WNT3: variants seen among roughly 807,000 people sequenced by gnomAD.
WNT3 encodes the protein Wnt family member 3.
A neutral mutation model predicts 34.2 loss-of-function variants in WNT3; 7 were observed. That is an observed-to-expected ratio of 0.20 (90% CI 0.12 to 0.38). The LOEUF (loss-of-function observed/expected upper bound fraction) is 0.38, where lower values mean the gene tolerates loss of function less well. Ranked by LOEUF, WNT3 falls within the 10% of genes least tolerant of loss-of-function variation. The probability of loss-of-function intolerance (pLI) is 1.00; values close to 1 mark genes in which losing one functional copy is unlikely to be tolerated. For missense variants in WNT3, 267 were observed against 499.8 expected (o/e 0.53, Z 4.44); for synonymous variants, 212 against 211.5 (o/e 1.00, Z -0.02).
chr17:46,781,223 C>A (rs986829331), intron 1 of WNT3, among the ~76,000 whole-genome samples: 31 of 72,656 alleles, frequency 4.3e-4, no homozygotes, highest in Non-Finnish European at 6.1e-4. Flanking sequence ...AAGACTCTGT[C>A]CCCCCAACCA....
intron 1 of WNT3, among the ~76,000 whole-genome samples, chr17:46,818,046 G>A (rs2084375740): frequency 6.6e-6 from 1 of 152,206 alleles, no homozygotes. Context: ...GCAAAGGGGG[G>A]TTATTATGGG....
At chr17:46,795,256 C>T (rs368383399) in intron 1 of WNT3, among the ~76,000 whole-genome samples, 8 of 152,176 alleles carry the variant, frequency 5.3e-5, no homozygotes, top group Admixed American at 3.3e-4. Flanking sequence ...CCCACACCAG[C>T]GCATTCAGCC....
chr17:46,816,533 G>A (rs989441251), intron 1 of WNT3, among the ~76,000 whole-genome samples: 5 of 151,090 alleles, frequency 3.3e-5, no homozygotes, highest in African/African-American at 4.9e-5. Context: ...CCTTGGCTTA[G>A]ACAAAGCAGC....
intron 1 of WNT3, among the ~76,000 whole-genome samples, chr17:46,810,003 TC>T (rs370710743): frequency 2.7e-4 from 38 of 139,540 alleles, no homozygotes; most frequent in African/African-American, 9.6e-4. Context: ...TTTCTTTCTT[TC>T]TTTTTTTTTT....
At chr17:46,818,428 C>T (rs1287638680) in intron 1 of WNT3, 90 bp downstream of exon 1, 2 of 1,320,890 alleles carry the variant, frequency 1.5e-6, no homozygotes, top group Non-Finnish European at 2.1e-6. Flanking sequence ...GAGCCCCAGC[C>T]CTGCAGCGGC....
intron 1 of WNT3, among the ~76,000 whole-genome samples, chr17:46,801,207 T>G (rs1289098751): frequency 1.3e-5 from 2 of 152,192 alleles, no homozygotes; most frequent in South Asian, 2.1e-4. Flanking sequence ...CAGGCCCATG[T>G]GCTTACCCAT....
In WNT3 at chr17:46,773,761, T is replaced by C. The variant is rs759357140; in HGVS notation, c.229A>G (p.Ile77Val). The C allele has an allele frequency of 2.5e-6, 4 of 1,613,250 alleles. No homozygotes were observed. The highest frequency in any genetic ancestry group is 3.4e-6 in the Non-Finnish European group (4 of 1,179,982). ...CGGAACTGGTGCTGGCACTCCTGGATGCCCAGCTTCACGCCCTCGGCCACG... is the reference window on the plus strand; with the variant it reads ...CGGAACTGGTGCTGGCACTCCTGGACGCCCAGCTTCACGCCCTCGGCCACG... ...PSVAEGVKLG[I>V]QECQHQFRGR... is the part of the protein sequence containing the mutation. The change falls in exon 2 of 5, where the codon ATC (isoleucine) becomes GTC (valine). Residue 77 changes from isoleucine to valine, a missense_variant. Ile to Val is a conservative substitution (Grantham distance 29). Coordinates refer to ENST00000225512, the MANE Select transcript of WNT3 (RefSeq NM_030753.5).
intron 1 of WNT3, among the ~76,000 whole-genome samples, chr17:46,777,125 G>C (rs1186931218): frequency 6.6e-6 from 1 of 152,172 alleles, no homozygotes; most frequent in Non-Finnish European, 1.5e-5. Context: ...CAGGAGAATC[G>C]CTTGAACCTG....
rs765645470 is a variant in WNT3 at position 46,769,870 on chromosome 17, T to C, written c.501A>G (p.Leu167=). ...GCSEDADFGV[L]VSREFADARE... is the part of the protein sequence containing the mutation. ...GCGCATCCGCGAACTCCCTGGACAC[T>C]AACACGCCGAAGTCAGCGTCCTCGC... Residue 167 remains leucine (L), a synonymous_variant, in exon 3 of 5, where the codon TTA becomes TTG. Coordinates refer to ENST00000225512, the MANE Select transcript of WNT3 (RefSeq NM_030753.5). 1.9e-6 allele frequency: 3 copies of C among 1,613,604 alleles called. No individual in the cohort carries two copies. Among genetic ancestry groups the C allele is most frequent in the South Asian group, 1.1e-5 (1 of 91,084 alleles).
chr17:46,780,129 A>G (rs1460255610), intron 1 of WNT3, among the ~76,000 whole-genome samples: 1 of 152,130 alleles, frequency 6.6e-6, no homozygotes, highest in Non-Finnish European at 1.5e-5. Flanking sequence ...TGACTTACGC[A>G]CCTAACATAT....
intron 1 of WNT3, among the ~76,000 whole-genome samples, chr17:46,796,701 C>T (rs372043406): frequency 1.8e-4 from 28 of 152,314 alleles, no homozygotes; most frequent in Middle Eastern, 6.8e-3. Flanking sequence ...CCAGACAGCC[C>T]GGGTGTCCCC....
intron 1 of WNT3, among the ~76,000 whole-genome samples, chr17:46,797,044 T>C (rs1268757526): frequency 6.6e-6 from 1 of 152,172 alleles, no homozygotes; most frequent in African/African-American, 2.4e-5. Context: ...AGGTTAAATA[T>C]TTTTGGAAAA....
rs368661782 is a variant in WNT3 at position 46,768,677 on chromosome 17, C to T, written c.711G>A (p.Lys237=). ...CTACCATCTCCGAGGCGCTGTCATA[C>T]TTGTCCTTGAGGAAGTCACCGATGG... ...FRAIGDFLKD[K]YDSASEMVVE... Residue 237 remains lysine (K), a synonymous_variant, in exon 4 of 5, where the codon AAG becomes AAA. Transcript: ENST00000225512. The surrounding 1 kb of genome is among the most constrained non-coding windows in gnomAD (Gnocchi z 5.0). 2.2e-5 allele frequency: 35 copies of T among 1,614,176 alleles called. No homozygotes were observed. The African/African-American group carries it at 2.7e-4, about 12-fold the overall frequency.
chr17:46,778,950 T>C (rs2059434266), intron 1 of WNT3, among the ~76,000 whole-genome samples: 1 of 152,120 alleles, frequency 6.6e-6, no homozygotes, highest in African/African-American at 2.4e-5. Context: ...CCCAAAGTGC[T>C]GAACTGATTT....
intron 2 of WNT3, among the ~76,000 whole-genome samples, chr17:46,771,792 G>A (rs1163674577): frequency 7.0e-6 from 1 of 143,038 alleles, no homozygotes; most frequent in South Asian, 2.1e-4. Context: ...CGCGCCGAAT[G>A]GCCAGAGGGC....
chr17:46,770,053 G>A lies in WNT3; in HGVS notation c.323-5C>T, dbSNP rs1432674628. The A allele has an allele frequency of 1.9e-6, 3 of 1,540,574 alleles. No homozygotes were observed. The highest frequency in any genetic ancestry group is 1.4e-5 in the African/African-American group (1 of 73,284). On this transcript the variant is annotated splice_region_variant and splice_polypyrimidine_tract_variant and intron_variant, in intron 2 of 4. Coordinates refer to ENST00000225512, the MANE Select transcript of WNT3 (RefSeq NM_030753.5). ...CGAAGGCCGACTCGCGGGTGGCTGC[G>A]GGGAGGTCGTGGGGAGGCAGCACTC... is the stretch of plus-strand genomic sequence containing the variant.
At chr17:46,779,271 C>T (rs933639932) in intron 1 of WNT3, among the ~76,000 whole-genome samples, 7 of 152,202 alleles carry the variant, frequency 4.6e-5, no homozygotes, top group African/African-American at 1.7e-4. Context: ...TCCTTGGTTC[C>T]GCTGAGGAAG....
intron 1 of WNT3, among the ~76,000 whole-genome samples, chr17:46,796,537 T>A (rs1331429682): frequency 8.6e-5 from 13 of 151,860 alleles, no homozygotes; most frequent in Non-Finnish European, 1.8e-4. Flanking sequence ...TCAGAAGGAG[T>A]TGGATGAGAG....
chr17:46,784,100 G>A (rs1348822388), intron 1 of WNT3, among the ~76,000 whole-genome samples: 2 of 152,158 alleles, frequency 1.3e-5, no homozygotes, highest in Non-Finnish European at 2.9e-5. Flanking sequence ...GGGGTCTGTG[G>A]CAGGGGATGG....
Sources: allele counts gnomAD v4.1 joint callset (sites outside exome capture counted in the v4.1 genomes callset), GRCh38; gene constraint gnomAD v4.1.1; non-coding constraint Gnocchi (gnomAD v3.1); transcripts MANE v1.5; gene names NCBI Gene and HGNC (gene_info 2026-07-23, HGNC 2026-07-21).